LRRC56: variants seen among roughly 807,000 people sequenced by gnomAD.
LRRC56 encodes the protein leucine-rich repeat-containing protein 56.
A neutral mutation model predicts 47.8 loss-of-function variants in LRRC56; 41 were observed. That is an observed-to-expected ratio of 0.86 (90% CI 0.67 to 1.11). LRRC56 has a LOEUF of 1.11. Ranked by LOEUF, LRRC56 falls within the 50% of genes most tolerant of loss-of-function variation. The probability of loss-of-function intolerance (pLI) is 0.00; values close to 1 mark genes in which losing one functional copy is unlikely to be tolerated. For missense variants in LRRC56, 759 were observed against 704.2 expected (o/e 1.08, Z -0.88); for synonymous variants, 387 against 311.2 (o/e 1.24, Z -2.56).
intron 6 of LRRC56, among the ~76,000 whole-genome samples, chr11:548,367 A>ACCT (rs1852195843): frequency 6.6e-6 from 1 of 152,056 alleles, no homozygotes; most frequent in African/African-American, 2.4e-5. Flanking sequence ...AATAGCCTCG[A>ACCT]CCTCCTGGGC....
chr11:534,144 C>T, upstream of LRRC56: 1 of 1,340,400 alleles, frequency 7.5e-7, no homozygotes, highest in South Asian at 1.2e-5. Flanking sequence ...GCAGCCAGCC[C>T]TATCCTGGCT....
upstream of LRRC56, chr11:534,641 C>T (rs1233710873): frequency 2.2e-6 from 1 of 463,982 alleles, no homozygotes; most frequent in Admixed American, 3.6e-5. Context: ...GCGCTCTCAA[C>T]CACGCACCCA....
At chr11:513,448 C>T in the LRRC56 span, among the ~76,000 whole-genome samples, 2 of 152,116 alleles carry the variant, frequency 1.3e-5, no homozygotes, top group Admixed American at 6.6e-5. Context: ...TGTGAGCCAC[C>T]GCACCCAGCA....
rs1302525763 is a variant in LRRC56, at chr11:551,651, A to T, written c.797A>T (p.Asp266Val). ...ACCTCTGCTTCTGAACCTCGGGCAG[A>T]CTGTCCCCGTGGAGCCCCCATCCGG... Reference protein sequence around the residue: ...IKKGNGLPPLDCPRGAPIRRL... With the variant: ...IKKGNGLPPLVCPRGAPIRRL... The change falls in exon 10 of 14, where the codon GAC (aspartate) becomes GTC (valine). Residue 266 changes from aspartate (D) to valine (V), a missense_variant and splice_region_variant. Transcript: ENST00000270115. The T allele has an allele frequency of 5.8e-6, 9 of 1,558,346 alleles. No individual in the cohort carries two copies. In the East Asian group the frequency reaches 2.0e-4, roughly 35 times the overall value.
rs1234747432 is a variant in LRRC56, at chr11:552,683, C to T, written c.1296C>T (p.Ser432=). The change falls in exon 13 of 14, where the codon AGC becomes AGT. Residue 432 remains serine (S), a synonymous_variant. Coordinates refer to ENST00000270115, the MANE Select transcript of LRRC56 (RefSeq NM_198075.4). ...VHQAEPKTPS[S]PPSLASEPSG... is the part of the protein sequence containing the mutation. ...AGGCAGAGCCCAAGACTCCCTCCAG[C>T]CCCCCAAGCCTGGCCTCAGGTACTG... is the stretch of plus-strand genomic sequence containing the variant. 4 of 1,607,596 alleles carry T rather than the reference C, an allele frequency of 2.5e-6. No individual in the cohort carries two copies. The highest frequency in any genetic ancestry group is 1.7e-4 in the Middle Eastern group (1 of 5,992).
chr11:534,155 G>T, upstream of LRRC56: 1 of 1,399,704 alleles, frequency 7.1e-7, no homozygotes, highest in Non-Finnish European at 1.0e-6. Flanking sequence ...TATCCTGGCT[G>T]TGTCCTGGGC....
chr11:521,807 C>T, the LRRC56 span, among the ~76,000 whole-genome samples: 56 of 151,818 alleles, frequency 3.7e-4, no homozygotes, highest in Non-Finnish European at 7.2e-4. Flanking sequence ...CCCAGCTACT[C>T]GGAAGGCTGA....
intron 6 of LRRC56, among the ~76,000 whole-genome samples, chr11:549,412 G>C (rs1852259701): frequency 6.6e-6 from 1 of 152,142 alleles, no homozygotes; most frequent in Non-Finnish European, 1.5e-5. Context: ...CACACATCAA[G>C]CCGCCCTGAC....
upstream of LRRC56, chr11:535,555 C>A (rs1208646309): frequency 1.3e-5 from 2 of 148,720 alleles, no homozygotes; most frequent in East Asian, 2.0e-4. Flanking sequence ...AGGGCACGGG[C>A]GGCGGAGACT....
chr11:524,819 A>G, the LRRC56 span, among the ~76,000 whole-genome samples: 4 of 151,154 alleles, frequency 2.6e-5, no homozygotes, highest in Admixed American at 1.3e-4. Flanking sequence ...CTGGTGGGGC[A>G]TAGTGGCTCA....
chr11:543,335 C>G (rs907913267), intron 5 of LRRC56, among the ~76,000 whole-genome samples: 2 of 151,904 alleles, frequency 1.3e-5, no homozygotes, highest in African/African-American at 4.8e-5. Context: ...CTGCCTCAGC[C>G]TCCTGAGTAG....
At chr11:546,135 T>G (rs1346334029) in intron 6 of LRRC56, among the ~76,000 whole-genome samples, 1 of 151,996 alleles carries the variant, frequency 6.6e-6, no homozygotes, top group Non-Finnish European at 1.5e-5. Context: ...CCGTGCATGG[T>G]GGCACATGCC....
At chr11:547,001 A>G (rs1159577004) in intron 6 of LRRC56, among the ~76,000 whole-genome samples, 1 of 151,894 alleles carries the variant, frequency 6.6e-6, no homozygotes, top group Non-Finnish European at 1.5e-5. Context: ...AGGTTGCAGT[A>G]AGCCAAGATT....
the LRRC56 span, chr11:506,673 G>A: frequency 6.6e-6 from 1 of 152,340 alleles, no homozygotes; most frequent in Non-Finnish European, 1.5e-5. Flanking sequence ...TCCTTCCCGG[G>A]AGGCCGCTTC....
rs369794770 is a variant in LRRC56, at chr11:552,139, C to T, written c.1088C>T (p.Ala363Val). 5.0e-6 allele frequency: 8 copies of T among 1,612,746 alleles called. No homozygotes were observed. In the African/African-American group the frequency reaches 1.1e-4, roughly 21 times the overall value. ...CCCCAACACAGGCCAGGAGATCCGG[C>T]CGCCAGCACTTCCACCCCAGAGCCT... is the stretch of plus-strand genomic sequence containing the variant. ...QLPQHRPGDP[A>V]ASTSTPEPDP... The change falls in exon 12 of 14, where the codon GCC (alanine) becomes GTC (valine). Residue 363 changes from alanine (A) to valine (V), a missense_variant. Coordinates refer to ENST00000270115, the MANE Select transcript of LRRC56 (RefSeq NM_198075.4).
chr11:534,420 G>C, upstream of LRRC56: 1 of 798,178 alleles, frequency 1.3e-6, no homozygotes, highest in Non-Finnish European at 2.0e-6. Context: ...CCCAGCCCCA[G>C]GCCCCACAGG....
the LRRC56 span, among the ~76,000 whole-genome samples, chr11:516,440 C>T: frequency 3.0e-3 from 450 of 152,106 alleles, 3 homozygotes; most frequent in African/African-American, 9.5e-3. Flanking sequence ...AATGCCCTCT[C>T]ACTTGACCAT....
At chr11:552,752 C>T (rs78604316) in intron 13 of LRRC56, 50 bp downstream of exon 13, 12 of 1,529,528 alleles carry the variant, frequency 7.8e-6, no homozygotes, top group African/African-American at 1.4e-5. Flanking sequence ...GACCAACACC[C>T]CACTTCTATA....
the LRRC56 span, among the ~76,000 whole-genome samples, chr11:517,146 A>G: frequency 2.6e-5 from 4 of 152,284 alleles, no homozygotes; most frequent in East Asian, 7.7e-4. Context: ...TTGCTCACTC[A>G]ATGCTCAGTG....
Sources: gnomAD v4.1 joint callset for allele counts (sites outside exome capture counted in the v4.1 genomes callset) on GRCh38, gnomAD v4.1.1 for gene constraint, MANE v1.5 for transcripts, NCBI Gene and HGNC (gene_info 2026-07-23, HGNC 2026-07-21) for gene names.